Variants in PDZRN4 observed in about 807,000 individuals in gnomAD.
PDZRN4 encodes PDZ domain-containing RING finger protein 4.
PDZRN4 carries 70 observed loss-of-function variants against 99.0 expected under a neutral mutation model. That is an observed-to-expected ratio of 0.71 (90% confidence interval 0.58 to 0.86). PDZRN4 has a LOEUF of 0.86. PDZRN4 is among the 40% of genes least tolerant of loss of function. The pLI is 0.00. For synonymous variants in PDZRN4, 551 were observed against 501.6 expected (o/e 1.10, Z -1.32); for missense variants, 1,474 against 1,331.2 (o/e 1.11, Z -1.67).
Position 41,519,959 on chromosome 12 carries a change from A to G in PDZRN4, c.1203+10046A>G, listed in dbSNP as rs556743239. On this transcript the variant is annotated intron_variant, in intron 5 of 9. Coordinates refer to ENST00000402685, the MANE Select transcript of PDZRN4 (RefSeq NM_001164595.2). ...TGCCTCTCTGTGCTCACCTCCCACT[A>G]ATCCAAGTGTGATGTGGGAACGCTG... Among the ~76,000 whole-genome samples, 52 of 152,100 alleles carry G rather than the reference A, an allele frequency of 3.4e-4. 1 individual carries two copies. The highest frequency in any genetic ancestry group is 1.2e-3 in the African/African-American group (51 of 41,498).
At chr12:41,367,982 T>G (rs1304141514) in intron 3 of PDZRN4, among the ~76,000 whole-genome samples, 5 of 152,034 alleles carry the variant, frequency 3.3e-5, no homozygotes, top group Non-Finnish European at 7.4e-5. Flanking sequence ...TAGTACAGAG[T>G]AGGAAATACG....
intron 3 of PDZRN4, among the ~76,000 whole-genome samples, chr12:41,415,792 T>A (rs988608010): frequency 2.7e-4 from 41 of 152,306 alleles, no homozygotes; most frequent in Non-Finnish European, 5.4e-4. Context: ...TAATTTATCA[T>A]GGGAGGAATG....
chr12:41,196,100 C>A (rs1950770373), intron 3 of PDZRN4, among the ~76,000 whole-genome samples: 1 of 151,930 alleles, frequency 6.6e-6, no homozygotes, highest in South Asian at 2.1e-4. Flanking sequence ...TACAAACCTA[C>A]TGTTTTTTTT....
chr12:41,572,697 C>A lies in PDZRN4; in HGVS notation c.1918C>A (p.His640Asn). 1 of 1,614,082 alleles carries A rather than the reference C, an allele frequency of 6.2e-7. No individual in the cohort carries two copies. Among genetic ancestry groups the A allele is most frequent in the African/African-American group, 1.3e-5 (1 of 75,034 alleles). ...LLELKCKIRN[H>N]GEYDLYYSSS... is the part of the protein sequence containing the mutation. ...GGAGCTCAAATGCAAGATTCGAAAT[C>A]ATGGAGAGTATGACCTGTATTACTC... is the stretch of plus-strand genomic sequence containing the variant. Residue 640 changes from histidine (H) to asparagine (N), a missense_variant, in exon 10 of 10, where the codon CAT becomes AAT. By Grantham distance (68) the His-to-Asn change is moderately conservative (BLOSUM62 1). Transcript: ENST00000402685.
At chr12:41,544,505 G>A (rs1422371594) in intron 5 of PDZRN4, among the ~76,000 whole-genome samples, 2 of 152,130 alleles carry the variant, frequency 1.3e-5, no homozygotes, top group African/African-American at 4.8e-5. Context: ...GAAAAAGAAG[G>A]CAAGGTGCCA....
At chr12:41,330,111 T>A (rs1229262402) in intron 3 of PDZRN4, among the ~76,000 whole-genome samples, 1 of 152,136 alleles carries the variant, frequency 6.6e-6, no homozygotes, top group East Asian at 1.9e-4. Context: ...AGGATTATCA[T>A]GTATTGTTTA....
intron 3 of PDZRN4, among the ~76,000 whole-genome samples, chr12:41,376,658 A>T (rs1229333327): frequency 6.6e-6 from 1 of 152,152 alleles, no homozygotes; most frequent in Non-Finnish European, 1.5e-5. Context: ...GTTTGAAAAT[A>T]TTCTCTACCA....
chr12:41,201,135 G>C (rs931874039), intron 3 of PDZRN4, among the ~76,000 whole-genome samples: 1 of 147,732 alleles, frequency 6.8e-6, no homozygotes, highest in African/African-American at 2.5e-5. Context: ...AGCAAAAATA[G>C]CCGTTTGAAA....
At chr12:41,253,020 G>A (rs780997710) in intron 3 of PDZRN4, among the ~76,000 whole-genome samples, 1 of 152,162 alleles carries the variant, frequency 6.6e-6, no homozygotes, top group Non-Finnish European at 1.5e-5. Flanking sequence ...TGAATATGTA[G>A]TGAGATGAAC....
chr12:41,288,936 T>C (rs1290490339), intron 3 of PDZRN4, among the ~76,000 whole-genome samples: 1 of 152,132 alleles, frequency 6.6e-6, no homozygotes, highest in Non-Finnish European at 1.5e-5. Flanking sequence ...TAAATCACTC[T>C]TTTGGCTGAG....
At chr12:41,380,394 C>T (rs775658243) in intron 3 of PDZRN4, among the ~76,000 whole-genome samples, 15 of 151,930 alleles carry the variant, frequency 9.9e-5, no homozygotes, top group East Asian at 1.9e-4. Context: ...TTCTGACTGT[C>T]GTTAATTTCC....
intron 9 of PDZRN4, among the ~76,000 whole-genome samples, chr12:41,571,141 C>CTA (rs1939463813): frequency 6.6e-6 from 1 of 151,872 alleles, no homozygotes; most frequent in Admixed American, 6.6e-5. Flanking sequence ...ACCTATCTAT[C>CTA]TATCTATATA....
chr12:41,430,010 C>T lies in PDZRN4; in HGVS notation c.844-76446C>T, dbSNP rs556866688. Among the ~76,000 whole-genome samples, 6 of 152,160 alleles carry T rather than the reference C, an allele frequency of 3.9e-5. No homozygotes were observed. The South Asian group carries it at 1.2e-3, about 32-fold the overall frequency. ...CATGGTACCTTGGCCTCTATATGAT[C>T]AAATAAATAAAGCCAACTTTATACG... On this transcript the variant is annotated intron_variant, in intron 3 of 9. Coordinates refer to ENST00000402685, the MANE Select transcript of PDZRN4 (RefSeq NM_001164595.2).
chr12:41,244,676 T>C (rs1951122238), intron 3 of PDZRN4, among the ~76,000 whole-genome samples: 1 of 76,338 alleles, frequency 1.3e-5, no homozygotes, highest in South Asian at 5.1e-4. Context: ...TCTTTTTTTT[T>C]TTTTTTTTTT....
chr12:41,191,585 T>C, intron 2 of PDZRN4, 41 bp downstream of exon 2: 2 of 850,288 alleles, frequency 2.4e-6, no homozygotes, highest in African/African-American at 1.7e-5. Flanking sequence ...ACTTATAAAA[T>C]AAGCATTAAT....
Position 41,506,761 on chromosome 12 carries a change from C to T in PDZRN4, c.1100+49C>T, listed in dbSNP as rs752352548. 15 of 1,552,108 alleles carry T rather than the reference C, an allele frequency of 9.7e-6. No homozygotes were observed. In the South Asian group the frequency reaches 1.4e-4, roughly 14 times the overall value. On this transcript the variant is annotated intron_variant, in intron 4 of 9. Coordinates refer to ENST00000402685, the MANE Select transcript of PDZRN4 (RefSeq NM_001164595.2). ...AAGCCCTGTTTGTTTCCATTTGTCACGTAAAGCAGATGTTGAAAAGAAGCA... is the reference window on the plus strand; with the variant it reads ...AAGCCCTGTTTGTTTCCATTTGTCATGTAAAGCAGATGTTGAAAAGAAGCA...
At chr12:41,234,022 G>A (rs1263222401) in intron 3 of PDZRN4, among the ~76,000 whole-genome samples, 1 of 151,752 alleles carries the variant, frequency 6.6e-6, no homozygotes, top group Non-Finnish European at 1.5e-5. Context: ...CCGTCAGAAA[G>A]CAATATTGGC....
At chr12:41,388,856 T>C (rs1364566563) in intron 3 of PDZRN4, among the ~76,000 whole-genome samples, 1 of 152,186 alleles carries the variant, frequency 6.6e-6, no homozygotes, top group East Asian at 1.9e-4. Flanking sequence ...TGTGTATTCA[T>C]CTTATTTTTA....
chr12:41,472,924 T>C (rs1953007108), intron 3 of PDZRN4, among the ~76,000 whole-genome samples: 1 of 152,240 alleles, frequency 6.6e-6, no homozygotes, highest in African/African-American at 2.4e-5. Context: ...AACCAAAATG[T>C]TAAAGTATTA....
Sources: allele counts gnomAD v4.1 joint callset (sites outside exome capture counted in the v4.1 genomes callset), GRCh38; gene constraint gnomAD v4.1.1; transcripts MANE v1.5; gene names NCBI Gene and HGNC (gene_info 2026-07-23, HGNC 2026-07-21).